PARD3B: variants seen among roughly 807,000 people sequenced by gnomAD.
The protein encoded by PARD3B is par-3 family cell polarity regulator beta.
PARD3B carries 103 observed loss-of-function variants against 130.2 expected under a neutral mutation model. That is an observed-to-expected ratio of 0.79 (90% CI 0.67 to 0.93). PARD3B has a LOEUF of 0.93. PARD3B is among the 40% of genes least tolerant of loss of function. The pLI is 0.00. For missense variants in PARD3B, 1,609 were observed against 1,499.2 expected (o/e 1.07, Z -1.21); for synonymous variants, 583 against 553.2 (o/e 1.05, Z -0.76).
At chr2:205,545,949 G>GAAAT (rs1301508374) in intron 21 of PARD3B, among the ~76,000 whole-genome samples, 1 of 152,138 alleles carries the variant, frequency 6.6e-6, no homozygotes, top group African/African-American at 2.4e-5. Flanking sequence ...TGCCAGGCTA[G>GAAAT]AAATACATAC....
At chr2:205,453,428 T>C (rs955950529) in intron 20 of PARD3B, among the ~76,000 whole-genome samples, 1 of 152,142 alleles carries the variant, frequency 6.6e-6, no homozygotes, top group Non-Finnish European at 1.5e-5. Flanking sequence ...ATAAAACATT[T>C]AGACTTTAGC....
At chr2:205,050,887 C>G (rs972225851) in intron 4 of PARD3B, among the ~76,000 whole-genome samples, 1 of 152,024 alleles carries the variant, frequency 6.6e-6, no homozygotes, top group African/African-American at 2.4e-5. Context: ...GGCAACAGTG[C>G]AATTCGGTTT....
intron 1 of PARD3B, among the ~76,000 whole-genome samples, chr2:204,644,397 C>T (rs1188927410): frequency 2.6e-5 from 4 of 152,052 alleles, no homozygotes; most frequent in Non-Finnish European, 4.4e-5. Flanking sequence ...GTACCTCAAC[C>T]CTGCCGAGGT....
intron 18 of PARD3B, among the ~76,000 whole-genome samples, chr2:205,380,449 A>ATAT (rs1559033416): frequency 3.9e-5 from 1 of 25,404 alleles, no homozygotes; most frequent in African/African-American, 1.5e-4. Context: ...TAAAGAATAC[A>ATAT]TATATATAAT....
At chr2:204,744,426 A>C (rs2040135251) in intron 2 of PARD3B, among the ~76,000 whole-genome samples, 1 of 152,176 alleles carries the variant, frequency 6.6e-6, no homozygotes, top group Non-Finnish European at 1.5e-5. Context: ...ACATTTTTCT[A>C]ATTCTTAGGT....
chr2:205,072,669 A>G (rs1311606225), intron 4 of PARD3B, among the ~76,000 whole-genome samples: 1 of 152,200 alleles, frequency 6.6e-6, no homozygotes, highest in Non-Finnish European at 1.5e-5. Flanking sequence ...GGTAAAACTT[A>G]TTTTAAATAG....
intron 20 of PARD3B, among the ~76,000 whole-genome samples, chr2:205,466,473 C>T (rs2048626604): frequency 6.6e-6 from 1 of 152,130 alleles, no homozygotes; most frequent in Non-Finnish European, 1.5e-5. Flanking sequence ...ATCTCTTGCA[C>T]CTTAGTAATA....
intron 1 of PARD3B, among the ~76,000 whole-genome samples, chr2:204,684,488 GTTGC>G (rs1253267370): frequency 1.3e-5 from 2 of 152,130 alleles, no homozygotes; most frequent in Admixed American, 1.3e-4. Context: ...GAAGAAATAT[GTTGC>G]TTGCGGCATG....
At chr2:205,270,006 G>C (rs1310978793) in intron 16 of PARD3B, among the ~76,000 whole-genome samples, 1 of 152,168 alleles carries the variant, frequency 6.6e-6, no homozygotes. Context: ...TAATTGGCTT[G>C]TTTGTAACAC....
At chr2:204,720,412 A>G (rs114898610) in intron 2 of PARD3B, among the ~76,000 whole-genome samples, 1 of 152,340 alleles carries the variant, frequency 6.6e-6, no homozygotes, top group Non-Finnish European at 1.5e-5. Flanking sequence ...ATGTGATAAA[A>G]TAGACCCAAC....
chr2:205,078,463 G>A lies in PARD3B; in HGVS notation c.505-25963G>A, dbSNP rs1269936538. ...TGAGTAATTCTGTCTCTTAATGAAT[G>A]CTACTTAATCCATTAGGGTTCACAT... On this transcript the variant is annotated intron_variant, in intron 4 of 22. Coordinates refer to ENST00000406610, the MANE Select transcript of PARD3B (RefSeq NM_001302769.2). The surrounding 1 kb of genome is among the most constrained non-coding windows in gnomAD (Gnocchi z 4.0). 1.3e-5 allele frequency among the ~76,000 whole-genome samples: 2 copies of A among 152,118 alleles called. No individual in the cohort carries two copies. The highest frequency in any genetic ancestry group is 4.8e-5 in the African/African-American group (2 of 41,440).
rs1370556528 is a variant in PARD3B at position 205,524,096 on chromosome 2, A to G, written c.3180+24065A>G. On this transcript the variant is annotated intron_variant, in intron 21 of 22. Coordinates refer to ENST00000406610, the MANE Select transcript of PARD3B (RefSeq NM_001302769.2). ...TATCTAACTTTTCTTTCTCTAAGTA[A>G]CTTGTTTTCTCTATCTGGATCTTAG... Among the ~76,000 whole-genome samples the G allele has an allele frequency of 2.0e-5, 3 of 152,060 alleles. No individual in the cohort carries two copies. The East Asian group carries it at 5.8e-4, about 29-fold the overall frequency.
At chr2:204,808,287 T>A (rs2125517061) in intron 2 of PARD3B, among the ~76,000 whole-genome samples, 1 of 152,218 alleles carries the variant, frequency 6.6e-6, no homozygotes, top group East Asian at 1.9e-4. Context: ...TTTTTCAGAG[T>A]TGTGTGTCCC....
At chr2:204,647,923 A>G (rs1176543944) in intron 1 of PARD3B, among the ~76,000 whole-genome samples, 1 of 151,566 alleles carries the variant, frequency 6.6e-6, no homozygotes, top group Non-Finnish European at 1.5e-5. Flanking sequence ...TCTACACATT[A>G]TTTTGCCTTA....
At position 204,659,058 on chromosome 2, in the gene PARD3B, G is replaced by C. The variant is rs188003270; in HGVS notation, c.121-27123G>C. ...GTTCCAGGTGTTTTAGCATTCCCTA[G>C]CTATAGTAGCAGTCTAGATAGGCTG... is the stretch of plus-strand genomic sequence containing the variant. On this transcript the variant is annotated intron_variant, in intron 1 of 22. Transcript: ENST00000406610. 2.9e-3 allele frequency among the ~76,000 whole-genome samples: 448 copies of C among 152,218 alleles called. 1 individual carries two copies. The highest frequency in any genetic ancestry group is 9.6e-3 in the African/African-American group (397 of 41,550).
chr2:204,667,617 C>A lies in PARD3B; in HGVS notation c.121-18564C>A, dbSNP rs189295809. ...TCATGCTTTCTTCTTTGTTACAGAT[C>A]TTATAATGGACTCTCTTCTAGTCTA... is the stretch of plus-strand genomic sequence containing the variant. On this transcript the variant is annotated intron_variant, in intron 1 of 22. Coordinates refer to ENST00000406610, the MANE Select transcript of PARD3B (RefSeq NM_001302769.2). Among the ~76,000 whole-genome samples, 3 of 152,226 alleles carry A rather than the reference C, an allele frequency of 2.0e-5. No homozygotes were observed. In the East Asian group the frequency reaches 5.8e-4, roughly 29 times the overall value.
Position 205,361,616 on chromosome 2 carries a change from C to A in PARD3B, c.2631-39397C>A, listed in dbSNP as rs149809846. Among the ~76,000 whole-genome samples the A allele has an allele frequency of 2.0e-4, 30 of 152,300 alleles. No homozygotes were observed. In the East Asian group the frequency reaches 5.4e-3, roughly 27 times the overall value. ...TTTCTAGACCCAGGGTTTTATCCTG[C>A]CCCTTAAGGTAACGTCTTTAGGTAA... is the stretch of plus-strand genomic sequence containing the variant. On this transcript the variant is annotated intron_variant, in intron 18 of 22. Transcript: ENST00000406610.
rs537447723 is a variant in PARD3B at position 204,960,691 on chromosome 2, A to G, written c.223-4461A>G. ...TTCAGCAAATTTACATTGAGCACCT[A>G]TGATGGCATATTCACTCTTCGAGCC... On this transcript the variant is annotated intron_variant, in intron 2 of 22. Transcript: ENST00000406610. Among the ~76,000 whole-genome samples, 6 of 152,280 alleles carry G rather than the reference A, an allele frequency of 3.9e-5. No individual in the cohort carries two copies. In the South Asian group the frequency reaches 1.0e-3, roughly 26 times the overall value.
intron 1 of PARD3B, among the ~76,000 whole-genome samples, chr2:204,633,016 A>G (rs2034743074): frequency 6.6e-6 from 1 of 152,138 alleles, no homozygotes; most frequent in Non-Finnish European, 1.5e-5. Context: ...TACTTTGGCT[A>G]TTGTGAATAA....
Sources: gnomAD v4.1 joint callset for allele counts (sites outside exome capture counted in the v4.1 genomes callset) on GRCh38, gnomAD v4.1.1 for gene constraint, Gnocchi (gnomAD v3.1) non-coding constraint, MANE v1.5 for transcripts, NCBI Gene and HGNC (gene_info 2026-07-23, HGNC 2026-07-21) for gene names.